Variants in ANK3 observed in about 807,000 individuals in gnomAD.
ANK3 encodes the protein ankyrin 3.
In ANK3, 57 loss-of-function variants were observed where a neutral mutation model predicts 370.9. The observed-to-expected ratio is 0.15, with a 90% CI of 0.12 to 0.19. The LOEUF (loss-of-function observed/expected upper bound fraction) is 0.19. Ranked by LOEUF, ANK3 falls within the 10% of genes least tolerant of loss-of-function variation. The pLI is 1.00. For synonymous variants in ANK3, 1,929 were observed against 1,946.3 expected (o/e 0.99, Z 0.23); for missense variants, 4,439 against 5,302.1 (o/e 0.84, Z 5.06).
chr10:60,632,938 C>T (rs1043963186), intron 1 of ANK3, among the ~76,000 whole-genome samples: 12 of 151,756 alleles, frequency 7.9e-5, no homozygotes, highest in African/African-American at 2.9e-4. Flanking sequence ...GCTTTGATAG[C>T]TGACTTTATT....
At chr10:60,633,467 TA>T (rs1444488679) in intron 1 of ANK3, among the ~76,000 whole-genome samples, 1 of 152,176 alleles carries the variant, frequency 6.6e-6, no homozygotes, top group African/African-American at 2.4e-5. Flanking sequence ...AATGAACATT[TA>T]TTGATACAAA....
intron 1 of ANK3, among the ~76,000 whole-genome samples, chr10:60,331,939 C>T (rs1017373775): frequency 1.3e-5 from 2 of 151,568 alleles, no homozygotes; most frequent in Admixed American, 6.6e-5. Flanking sequence ...TCTTTTCTCC[C>T]TTTAATTAGG....
At chr10:60,527,680 C>G (rs917205504) in intron 2 of ANK3, among the ~76,000 whole-genome samples, 1 of 152,102 alleles carries the variant, frequency 6.6e-6, no homozygotes, top group Non-Finnish European at 1.5e-5. Context: ...ATTGAGCATA[C>G]AGAGAAAGGA....
intron 23 of ANK3, among the ~76,000 whole-genome samples, chr10:60,159,346 T>C (rs757413604): frequency 7.9e-5 from 12 of 152,212 alleles, no homozygotes; most frequent in African/African-American, 2.4e-5. Context: ...TATATAATGA[T>C]AAAGGAATTA....
chr10:60,332,247 C>A (rs1593940040), intron 1 of ANK3, among the ~76,000 whole-genome samples: 1 of 152,170 alleles, frequency 6.6e-6, no homozygotes, highest in Non-Finnish European at 1.5e-5. Flanking sequence ...AGAAGCAATT[C>A]TGGGCTTTAT....
In ANK3 at chr10:60,268,707, T is replaced by C. The variant is rs372347014; in HGVS notation, c.513+1424A>G. 7.2e-5 allele frequency among the ~76,000 whole-genome samples: 11 copies of C among 152,118 alleles called. No individual in the cohort carries two copies. In the East Asian group the frequency reaches 9.6e-4, roughly 13 times the overall value. On this transcript the variant is annotated intron_variant, in intron 5 of 43. Transcript: ENST00000280772. The stretch of plus-strand genomic sequence containing the variant: ...GCTGCTAAGTAAAAAGGCTTGTAAA[T>C]ACTAGTTTTTGATAGTTACTGCCAA...
rs193053245 is a variant in ANK3 at position 60,714,103 on chromosome 10, T to C, written c.57+19160A>G. ...ACATCAAAAGAATAATAACAGAATG[T>C]TATTAACAGCTGTATGCCTATAAAT... On this transcript the variant is annotated intron_variant, in intron 1 of 43. Coordinates refer to the ANK3 transcript ENST00000373827. Among the ~76,000 whole-genome samples the C allele has an allele frequency of 7.2e-5, 11 of 152,294 alleles. No individual in the cohort carries two copies. In the East Asian group the frequency reaches 2.1e-3, roughly 29 times the overall value.
chr10:60,502,047 C>T (rs1165038113), intron 2 of ANK3, among the ~76,000 whole-genome samples: 2 of 151,914 alleles, frequency 1.3e-5, no homozygotes, highest in African/African-American at 4.8e-5. Flanking sequence ...CAGGATACCC[C>T]AAATGACTAC....
At chr10:60,656,988 A>G (rs1235271335) in intron 1 of ANK3, among the ~76,000 whole-genome samples, 1 of 152,120 alleles carries the variant, frequency 6.6e-6, no homozygotes, top group African/African-American at 2.4e-5. Context: ...CATGCTACTG[A>G]TAAAGACATA....
rs531113325 is a variant in ANK3 at position 60,140,495 on chromosome 10, A to G, written c.2615-1408T>C. The G allele has an allele frequency of 2.9e-5, 45 of 1,557,294 alleles. No individual in the cohort carries two copies. In the Admixed American group the frequency reaches 5.8e-4, roughly 20 times the overall value. On this transcript the variant is annotated intron_variant, in intron 23 of 43. Coordinates refer to ENST00000280772, the MANE Select transcript of ANK3 (RefSeq NM_020987.5). Reference sequence around the variant, plus strand: ...CTGGTTTGTATCCACTCTCTTCACCACCGCTGAATTCCTCTCAGCATCTTG... The same window carrying G: ...CTGGTTTGTATCCACTCTCTTCACCGCCGCTGAATTCCTCTCAGCATCTTG...
intron 1 of ANK3, among the ~76,000 whole-genome samples, chr10:60,678,322 A>G (rs983431888): frequency 2.0e-5 from 3 of 152,204 alleles, no homozygotes; most frequent in African/African-American, 7.2e-5. Context: ...TAACATAGGA[A>G]AAAGGAGAAA....
chr10:60,294,051 C>A (rs2042015950), intron 1 of ANK3, among the ~76,000 whole-genome samples: 1 of 152,110 alleles, frequency 6.6e-6, no homozygotes, highest in Non-Finnish European at 1.5e-5. Context: ...TTAATCCAAG[C>A]AACTATTCAC....
chr10:60,416,557 G>A lies in ANK3; in HGVS notation c.97-136918C>T, dbSNP rs1435593935. On this transcript the variant is annotated intron_variant, in intron 2 of 43. Transcript: ENST00000373827. ...GTGGTGCTTGGTGAGTTGTGGGGAGGAGACTAACTGAGAAGTGTTACATTA... is the reference window on the plus strand; with the variant it reads ...GTGGTGCTTGGTGAGTTGTGGGGAGAAGACTAACTGAGAAGTGTTACATTA... 2.6e-5 allele frequency among the ~76,000 whole-genome samples: 4 copies of A among 152,204 alleles called. No homozygotes were observed. The South Asian group carries it at 8.3e-4, about 32-fold the overall frequency.
At chr10:60,215,702 C>T (rs1405890288) in intron 8 of ANK3, among the ~76,000 whole-genome samples, 1 of 152,046 alleles carries the variant, frequency 6.6e-6, no homozygotes, top group Non-Finnish European at 1.5e-5. Context: ...CTCCATTGGT[C>T]TATATGTCTG....
At chr10:60,635,930 T>A (rs544156591) in intron 1 of ANK3, among the ~76,000 whole-genome samples, 46 of 152,282 alleles carry the variant, frequency 3.0e-4, no homozygotes, top group Non-Finnish European at 6.0e-4. Context: ...ATTTGAGAAC[T>A]CTTAAGGAAA....
chr10:60,441,369 T>C (rs2064295479), intron 2 of ANK3, among the ~76,000 whole-genome samples: 1 of 152,192 alleles, frequency 6.6e-6, no homozygotes. Context: ...GGTGAAAGCA[T>C]TACTTTTATT....
At chr10:60,134,449 C>T in intron 24 of ANK3, 76 bp from the exon 25 acceptor site, 1 of 1,126,420 alleles carries the variant, frequency 8.9e-7, no homozygotes, top group Non-Finnish European at 1.3e-6. Flanking sequence ...ATGCATGCAA[C>T]TTTAAGAACA....
Position 60,070,711 on chromosome 10 carries a change from C to T in ANK3, c.10170G>A (p.Gln3390=), listed in dbSNP as rs984967650. 5.6e-6 allele frequency: 9 copies of T among 1,614,058 alleles called. No individual in the cohort carries two copies. The African/African-American group carries it at 1.2e-4, about 22-fold the overall frequency. Residue 3390 remains glutamine (Q), a synonymous_variant, in exon 37 of 44, where the codon CAG becomes CAA. Coordinates refer to ENST00000280772, the MANE Select transcript of ANK3 (RefSeq NM_020987.5). The surrounding 1 kb of genome is among the most constrained non-coding windows in gnomAD (Gnocchi z 5.7). ...TGGCAATGGAACACTCTGTGATGGA[C>T]TGGTCGTTGTTCCCATTCTGGGCAA... ...NEIAQNGNND[Q]SITECSIATT...
intron 2 of ANK3, among the ~76,000 whole-genome samples, chr10:60,601,334 C>A (rs570868542): frequency 6.6e-6 from 1 of 151,646 alleles, no homozygotes; most frequent in Non-Finnish European, 1.5e-5. Flanking sequence ...AAAGTTATAA[C>A]GCAAAACATG....
Sources: allele counts gnomAD v4.1 joint callset (sites outside exome capture counted in the v4.1 genomes callset), GRCh38; gene constraint gnomAD v4.1.1; non-coding constraint Gnocchi (gnomAD v3.1); transcripts MANE v1.5; gene names NCBI Gene and HGNC (gene_info 2026-07-23, HGNC 2026-07-21).